The following KLF8 variants were observed in gnomAD, a reference collection of about 807,000 sequenced individuals.
The protein encoded by KLF8 is Krueppel-like factor 8.
A neutral mutation model predicts 18.2 loss-of-function variants in KLF8; 10 were observed. That is an observed-to-expected ratio of 0.55 (90% CI 0.34 to 0.93). KLF8 has a LOEUF of 0.93. KLF8 is among the 40% of genes least tolerant of loss of function. The pLI, the probability that KLF8 is intolerant of heterozygous loss-of-function variation, is 0.02. For synonymous variants in KLF8, 109 were observed against 97.3 expected, an observed-to-expected ratio of 1.12 and a Z score of -0.71; for missense variants, 264 against 277.9, an observed-to-expected ratio of 0.95 and a Z score of 0.36.
intron 5 of KLF8, among the ~76,000 whole-genome samples, chrX:56,270,950 C>T (rs1334225358): frequency 5.4e-5 from 6 of 111,787 alleles, no homozygotes; most frequent in Non-Finnish European, 9.4e-5. Flanking sequence ...GTTCCACATC[C>T]GTGGATTCAA....
At chrX:55,949,847 C>A in the KLF8 span, among the ~76,000 whole-genome samples, 57,552 of 109,047 alleles carry the variant, frequency 0.53, 13,536 homozygotes, top group East Asian at 0.75. Flanking sequence ...TTGATGCCTG[C>A]AGGACTCTCC....
intron 3 of KLF8, chrX:56,269,047 C>T: frequency 1.1e-6 from 1 of 895,492 alleles, no homozygotes; most frequent in Non-Finnish European, 1.4e-6. Flanking sequence ...AACTTTTCAG[C>T]TGACCCTGTC....
the KLF8 span, among the ~76,000 whole-genome samples, chrX:56,190,184 A>G: frequency 9.0e-6 from 1 of 111,502 alleles, no homozygotes; most frequent in Non-Finnish European, 1.9e-5. Context: ...CAGTAGCTAT[A>G]CTTTTATCAG....
At chrX:55,922,591 G>A in the KLF8 span, among the ~76,000 whole-genome samples, 3 of 112,137 alleles carry the variant, frequency 2.7e-5, no homozygotes, top group East Asian at 2.8e-4. Context: ...AAACCTGCAC[G>A]TCCTGCACAC....
the KLF8 span, among the ~76,000 whole-genome samples, chrX:55,947,893 A>G: frequency 2.7e-5 from 3 of 112,418 alleles, no homozygotes; most frequent in African/African-American, 9.7e-5. Context: ...TAGAAACATA[A>G]CTTTTTCTCA....
intron 3 of KLF8, 76 bp downstream of exon 3, chrX:56,265,820 T>G: frequency 2.7e-6 from 3 of 1,115,751 alleles, no homozygotes; most frequent in Non-Finnish European, 3.5e-6. Context: ...TCCTGTCTCT[T>G]TTCACTTCCT....
chrX:56,047,831 G>A, the KLF8 span, among the ~76,000 whole-genome samples: 5 of 111,508 alleles, frequency 4.5e-5, no homozygotes, highest in Non-Finnish European at 9.4e-5. Flanking sequence ...GATCCCTGAG[G>A]AATAGCCACA....
chrX:56,183,002 G>A, the KLF8 span, among the ~76,000 whole-genome samples: 18 of 112,637 alleles, frequency 1.6e-4, no homozygotes, highest in South Asian at 7.3e-4. Flanking sequence ...AAAGCTGTCA[G>A]ACATGGACGT....
At chrX:56,158,081 G>A in the KLF8 span, among the ~76,000 whole-genome samples, 2 of 111,710 alleles carry the variant, frequency 1.8e-5, no homozygotes, top group Non-Finnish European at 3.8e-5. Flanking sequence ...GTGTAAGGAA[G>A]GGATCCAGTT....
chrX:56,175,873 G>C, the KLF8 span, among the ~76,000 whole-genome samples: 1 of 110,964 alleles, frequency 9.0e-6, no homozygotes, highest in Non-Finnish European at 1.9e-5. Flanking sequence ...TGTCTCTTTT[G>C]ATCTTTGTTG....
the KLF8 span, among the ~76,000 whole-genome samples, chrX:56,199,330 A>C: frequency 8.9e-6 from 1 of 112,111 alleles, no homozygotes; most frequent in Non-Finnish European, 1.9e-5. Context: ...AGGTTTTTGC[A>C]ATCTACCCAT....
the KLF8 span, among the ~76,000 whole-genome samples, chrX:56,050,840 A>T: frequency 9.1e-6 from 1 of 109,564 alleles, no homozygotes; most frequent in African/African-American, 3.3e-5. Context: ...TTTCTGTCTC[A>T]TTGATCTGTC....
chrX:56,058,308 A>ATATG, the KLF8 span, among the ~76,000 whole-genome samples: 2 of 78,926 alleles, frequency 2.5e-5, no homozygotes, highest in South Asian at 1.4e-3. Flanking sequence ...ATATATATAT[A>ATATG]TATATATATA....
chrX:56,249,737 T>C (rs180726095), intron 1 of KLF8, among the ~76,000 whole-genome samples: 82 of 111,839 alleles, frequency 7.3e-4, no homozygotes, highest in Admixed American at 7.0e-3. Flanking sequence ...CACTAATTCC[T>C]TTTTTTAAGA....
the KLF8 span, among the ~76,000 whole-genome samples, chrX:56,211,752 C>T: frequency 9.0e-6 from 1 of 111,568 alleles, no homozygotes; most frequent in East Asian, 2.8e-4. Flanking sequence ...AAGATGCAGT[C>T]CTTCCCAGTC....
chrX:56,033,703 C>A, the KLF8 span, among the ~76,000 whole-genome samples: 1 of 111,700 alleles, frequency 9.0e-6, no homozygotes, highest in African/African-American at 3.3e-5. Flanking sequence ...TAACCACCAT[C>A]ACAGGCATGA....
the KLF8 span, among the ~76,000 whole-genome samples, chrX:56,147,789 G>T: frequency 8.9e-6 from 1 of 112,191 alleles, no homozygotes; most frequent in African/African-American, 3.2e-5. Context: ...GACCAGCCTG[G>T]CCAACATGGC....
the KLF8 span, among the ~76,000 whole-genome samples, chrX:56,224,463 T>C: frequency 2.7e-5 from 3 of 112,017 alleles, no homozygotes; most frequent in Admixed American, 1.9e-4. Flanking sequence ...TCCAACTTGA[T>C]TTTTTTATTA....
chrX:56,231,806 G>A (rs2066405276), upstream of KLF8, among the ~76,000 whole-genome samples: 1 of 111,173 alleles, frequency 9.0e-6, no homozygotes, highest in African/African-American at 3.3e-5. Context: ...CTGGTATCTG[G>A]GAGACTGAGA....
Sources: allele counts gnomAD v4.1 joint callset (sites outside exome capture counted in the v4.1 genomes callset), GRCh38; gene constraint gnomAD v4.1.1; transcripts MANE v1.5; gene names NCBI Gene and HGNC (gene_info 2026-07-23, HGNC 2026-07-21).